VPS39: variants seen among roughly 807,000 people sequenced by gnomAD.
VPS39 encodes vam6/Vps39-like protein.
Under a neutral mutation model 121.0 loss-of-function variants are expected in VPS39, and 70 were observed. That is an observed-to-expected ratio of 0.58 (90% CI 0.48 to 0.71). The LOEUF (loss-of-function observed/expected upper bound fraction) is 0.71. Among genes scored for constraint, VPS39 ranks in the 30% least tolerant of loss-of-function variants. The pLI, the probability that VPS39 is intolerant of heterozygous loss-of-function variation, is 0.00. For synonymous variants in VPS39, 378 were observed against 398.1 expected (o/e 0.95, Z 0.60); for missense variants, 818 against 1,051.5 (o/e 0.78, Z 3.07).
chr15:42,191,496 C>G lies in VPS39; in HGVS notation c.204G>C (p.Gln68His). Residue 68 changes from glutamine to histidine, a missense_variant and splice_region_variant, in exon 3 of 25, where the codon CAG becomes CAC. Coordinates refer to ENST00000318006, the MANE Select transcript of VPS39 (RefSeq NM_015289.5). ...TGTAAGGACTGCCATCACTGCTTAC[C>G]TGCTGAATCTTTTTGGAGAAGTTCT... ...SNKNFSKKIQ[Q>H]IHVVSQFKIL... The G allele has an allele frequency of 1.2e-6, 2 of 1,613,986 alleles. No individual in the cohort carries two copies. The highest frequency in any genetic ancestry group is 1.7e-6 in the Non-Finnish European group (2 of 1,179,922).
At chr15:42,192,324 G>A (rs2049845781) in intron 2 of VPS39, among the ~76,000 whole-genome samples, 1 of 152,146 alleles carries the variant, frequency 6.6e-6, no homozygotes, top group Non-Finnish European at 1.5e-5. Flanking sequence ...CTACTCCCAA[G>A]AAGTAGGTAT....
chr15:42,165,002 G>A lies in VPS39; in HGVS notation c.1891C>T (p.Pro631Ser). 6.2e-7 allele frequency: 1 copy of A among 1,614,214 alleles called. No homozygotes were observed. Among genetic ancestry groups the A allele is most frequent in the South Asian group, 1.1e-5 (1 of 91,086 alleles). ...TTCCTAAAAGAACTGGTACCTGCAG[G>A]GAAGGACAGGAGATACTCCTTCATC... ...GLMKEYLLSF[P>S]AGKTPVPAGE... The change falls in exon 18 of 25, where the codon CCT (proline) becomes TCT (serine). Residue 631 changes from proline to serine, a missense_variant. Physicochemically the swap from Pro to Ser is moderately conservative, Grantham distance 74. Transcript: ENST00000318006.
intron 4 of VPS39, 63 bp from the exon 5 acceptor site, chr15:42,189,271 G>A (rs1362378507): frequency 6.6e-6 from 9 of 1,371,048 alleles, no homozygotes; most frequent in East Asian, 4.6e-5. Flanking sequence ...AGCCACTATC[G>A]AGGCAAAAAA....
At chr15:42,170,187 A>G (rs927411392) in intron 11 of VPS39, among the ~76,000 whole-genome samples, 1 of 152,166 alleles carries the variant, frequency 6.6e-6, no homozygotes, top group African/African-American at 2.4e-5. Flanking sequence ...GAAGTAGAAG[A>G]GATCAAGAGA....
At chr15:42,205,929 G>A (rs144362292) in intron 1 of VPS39, among the ~76,000 whole-genome samples, 57 of 152,274 alleles carry the variant, frequency 3.7e-4, no homozygotes, top group Admixed American at 1.0e-3. Flanking sequence ...AAGAAGTCAA[G>A]AACGATTCCA....
At chr15:42,203,240 G>A (rs953781520) in intron 1 of VPS39, among the ~76,000 whole-genome samples, 3 of 152,022 alleles carry the variant, frequency 2.0e-5, no homozygotes, top group East Asian at 1.9e-4. Context: ...AGGCCAAGGC[G>A]GGCAGATCAC....
intron 11 of VPS39, 36 bp from the exon 12 acceptor site, chr15:42,169,902 A>G: frequency 6.3e-7 from 1 of 1,582,510 alleles, no homozygotes; most frequent in Non-Finnish European, 8.6e-7. Context: ...TCTGGAAAGG[A>G]GCCCAACAAT....
intron 10 of VPS39, among the ~76,000 whole-genome samples, chr15:42,175,069 T>C (rs935054669): frequency 6.6e-6 from 1 of 152,092 alleles, no homozygotes; most frequent in African/African-American, 2.4e-5. Context: ...AGACAGCACA[T>C]GTGCAAGGCT....
chr15:42,172,824 C>T (rs2049373509), intron 11 of VPS39, among the ~76,000 whole-genome samples: 2 of 152,198 alleles, frequency 1.3e-5, no homozygotes, highest in Admixed American at 6.5e-5. Context: ...TTCCAATAAA[C>T]TCTGCTTAAT....
chr15:42,174,661 G>A lies in VPS39; in HGVS notation c.961-809C>T, dbSNP rs1041416904. Among the ~76,000 whole-genome samples, 6 of 152,094 alleles carry A rather than the reference G, an allele frequency of 3.9e-5. 1 individual carries two copies. Among genetic ancestry groups the A allele is most frequent in the Admixed American group, 3.9e-4 (6 of 15,272 alleles). On this transcript the variant is annotated intron_variant, in intron 10 of 24. Transcript: ENST00000318006. Reference sequence around the variant, plus strand: ...CGGGGTCCAGGATGGATTCCAAGAGGGACCTAAACTGAGACATAACGGATG... The same window carrying A: ...CGGGGTCCAGGATGGATTCCAAGAGAGACCTAAACTGAGACATAACGGATG...
intron 19 of VPS39, 30 bp from the exon 20 acceptor site, chr15:42,163,758 T>C: frequency 2.6e-6 from 4 of 1,546,948 alleles, no homozygotes; most frequent in Non-Finnish European, 3.5e-6. Flanking sequence ...GAGGAACCAC[T>C]GCCGCCATCA....
At chr15:42,191,935 G>A in intron 2 of VPS39, 13 of 1,103,790 alleles carry the variant, frequency 1.2e-5, no homozygotes, top group Non-Finnish European at 1.7e-5. Flanking sequence ...ATGAAACCCA[G>A]CCCAAAGCAT....
intron 5 of VPS39, 77 bp from the exon 6 acceptor site, chr15:42,187,933 T>C (rs1423976720): frequency 7.2e-7 from 1 of 1,380,882 alleles, no homozygotes; most frequent in Non-Finnish European, 1.0e-6. Flanking sequence ...AGAGATTGTC[T>C]ACCTTGAAAT....
intron 3 of VPS39, 128 bp from the exon 4 acceptor site, chr15:42,191,295 T>C: frequency 4.1e-6 from 5 of 1,229,632 alleles, no homozygotes; most frequent in Non-Finnish European, 5.8e-6. Flanking sequence ...CTGATTTTTC[T>C]GGGCACTATA....
chr15:42,191,354 G>T, intron 3 of VPS39, 142 bp downstream of exon 3: 1 of 1,050,754 alleles, frequency 9.5e-7, no homozygotes, highest in Non-Finnish European at 1.4e-6. Context: ...TCAGGCACAT[G>T]ATATATGAGC....
intron 1 of VPS39, among the ~76,000 whole-genome samples, chr15:42,203,265 T>G (rs1039997182): frequency 1.3e-5 from 2 of 151,942 alleles, no homozygotes; most frequent in Non-Finnish European, 2.9e-5. Flanking sequence ...GGTCAGGAGT[T>G]CAAGACCAGT....
chr15:42,167,024 A>C, intron 13 of VPS39, 111 bp from the exon 14 acceptor site: 1 of 1,467,262 alleles, frequency 6.8e-7, no homozygotes, highest in Non-Finnish European at 9.2e-7. Flanking sequence ...AAGCAAGAGA[A>C]AGCAGACAGC....
intron 1 of VPS39, among the ~76,000 whole-genome samples, chr15:42,203,548 A>G (rs1208734590): frequency 6.6e-6 from 1 of 152,012 alleles, no homozygotes; most frequent in Non-Finnish European, 1.5e-5. Flanking sequence ...CTGAGACAGG[A>G]GAACCACTTG....
rs1455108264 is a variant in VPS39, at chr15:42,189,144, C to T, written c.312G>A (p.Lys104=). Reference sequence around the variant, plus strand: ...GGTCACAAGTAAACAGTGATGCTCCCTTTGCCTTTGAAACCGTAGTGATTT... The same window carrying T: ...GGTCACAAGTAAACAGTGATGCTCCTTTTGCCTTTGAAACCGTAGTGATTT... The part of the protein sequence containing the change: ...FQQITTVSKA[K]GASLFTCDLQ... Residue 104 remains lysine, a synonymous_variant, in exon 5 of 25, where the codon AAG becomes AAA. Coordinates refer to ENST00000318006, the MANE Select transcript of VPS39 (RefSeq NM_015289.5). 1.9e-6 allele frequency: 3 copies of T among 1,613,838 alleles called. No individual in the cohort carries two copies. Among genetic ancestry groups the T allele is most frequent in the Admixed American group, 1.7e-5 (1 of 59,984 alleles).
Sources: allele counts gnomAD v4.1 joint callset (sites outside exome capture counted in the v4.1 genomes callset), GRCh38; gene constraint gnomAD v4.1.1; transcripts MANE v1.5; gene names NCBI Gene and HGNC (gene_info 2026-07-23, HGNC 2026-07-21).